SPATA6: variants seen among roughly 807,000 people sequenced by gnomAD.
SPATA6 encodes spermatogenesis associated 6.
SPATA6 carries 56 observed loss-of-function variants against 65.3 expected under a neutral mutation model. The ratio of observed to expected loss-of-function variants is 0.86; its 90% confidence interval spans 0.69 to 1.07. The LOEUF (loss-of-function observed/expected upper bound fraction) is 1.07. SPATA6 is among the 50% of genes least tolerant of loss of function. The probability of loss-of-function intolerance (pLI) is 0.00; values close to 1 mark genes in which losing one functional copy is unlikely to be tolerated. For synonymous variants in SPATA6, 199 were observed against 213.2 expected (o/e 0.93, Z 0.58); for missense variants, 590 against 594.8 (o/e 0.99, Z 0.08).
At chr1:48,368,126 C>T (rs957051711) in intron 9 of SPATA6, among the ~76,000 whole-genome samples, 18 of 152,176 alleles carry the variant, frequency 1.2e-4, no homozygotes, top group Admixed American at 6.5e-4. Context: ...TATTGGCCCC[C>T]ACTCTCTCCT....
In SPATA6 at chr1:48,312,591, T is replaced by A. The variant is rs142244096; in HGVS notation, c.1195-6713A>T. 2.6e-5 allele frequency among the ~76,000 whole-genome samples: 4 copies of A among 151,884 alleles called. No individual in the cohort carries two copies. The East Asian group carries it at 7.7e-4, about 29-fold the overall frequency. On this transcript the variant is annotated intron_variant, in intron 11 of 12. Coordinates refer to ENST00000371847, the MANE Select transcript of SPATA6 (RefSeq NM_019073.4). Reference sequence around the variant, plus strand: ...TCAAAGGCAGATACAACCACAAAGATGGGGAAAAAACAGAGCAGAAAAACT... The same window carrying A: ...TCAAAGGCAGATACAACCACAAAGAAGGGGAAAAAACAGAGCAGAAAAACT...
chr1:48,358,456 A>T (rs1646716823), intron 10 of SPATA6, among the ~76,000 whole-genome samples: 1 of 152,062 alleles, frequency 6.6e-6, no homozygotes, highest in Non-Finnish European at 1.5e-5. Context: ...ATACAGATTT[A>T]AAAAATTCTG....
At chr1:48,448,684 C>T (rs1420776240) in intron 3 of SPATA6, among the ~76,000 whole-genome samples, 5 of 152,034 alleles carry the variant, frequency 3.3e-5, no homozygotes, top group Non-Finnish European at 7.4e-5. Flanking sequence ...ACATTCCATA[C>T]AACAGAATAC....
intron 3 of SPATA6, among the ~76,000 whole-genome samples, chr1:48,425,830 C>A (rs1479267488): frequency 6.6e-6 from 1 of 150,822 alleles, no homozygotes. Flanking sequence ...GACTATAAAT[C>A]AAAATGTAAA....
chr1:48,407,813 T>A (rs1487883266), intron 5 of SPATA6, among the ~76,000 whole-genome samples: 3 of 152,206 alleles, frequency 2.0e-5, no homozygotes, highest in African/African-American at 7.2e-5. Flanking sequence ...GTTTTAATAA[T>A]CCATCATCTT....
chr1:48,354,299 G>GTT (rs1205017132), intron 11 of SPATA6, among the ~76,000 whole-genome samples: 1 of 152,120 alleles, frequency 6.6e-6, no homozygotes, highest in Non-Finnish European at 1.5e-5. Flanking sequence ...TAGTGGGAGT[G>GTT]TAACTGTTAA....
At chr1:48,370,921 A>T (rs1570348224) in intron 9 of SPATA6, among the ~76,000 whole-genome samples, 1 of 152,332 alleles carries the variant, frequency 6.6e-6, no homozygotes, top group East Asian at 1.9e-4. Context: ...ACAGCTAAGG[A>T]ACAAACTGAC....
At chr1:48,460,926 G>GACTA (rs1274065459) in intron 1 of SPATA6, among the ~76,000 whole-genome samples, 2 of 151,420 alleles carry the variant, frequency 1.3e-5, no homozygotes, top group Non-Finnish European at 2.9e-5. Context: ...AAGCATTTAG[G>GACTA]AGCCTCTCTG....
At chr1:48,395,839 A>G (rs1182799674) in intron 7 of SPATA6, among the ~76,000 whole-genome samples, 3 of 151,892 alleles carry the variant, frequency 2.0e-5, no homozygotes, top group Admixed American at 6.6e-5. Flanking sequence ...CAAAAAGTAA[A>G]AAGAATGATA....
intron 3 of SPATA6, chr1:48,437,083 A>G (rs1226600466): frequency 6.3e-7 from 1 of 1,598,088 alleles, no homozygotes; most frequent in African/African-American, 1.3e-5. Flanking sequence ...CAAACAGATG[A>G]AAGAAGAAAG....
chr1:48,469,124 T>C (rs182189636), intron 1 of SPATA6, among the ~76,000 whole-genome samples: 2 of 152,290 alleles, frequency 1.3e-5, no homozygotes, highest in African/African-American at 2.4e-5. Context: ...CCTGTCATCA[T>C]ACCCAGCTAA....
At chr1:48,471,937 G>A in intron 1 of SPATA6, 21 bp downstream of exon 1, 1 of 1,610,004 alleles carries the variant, frequency 6.2e-7, no homozygotes, top group Non-Finnish European at 8.5e-7. Flanking sequence ...CCCGGGGGTG[G>A]GAGGCGCTAC....
chr1:48,466,156 T>C (rs1657792227), intron 1 of SPATA6, among the ~76,000 whole-genome samples: 2 of 152,106 alleles, frequency 1.3e-5, no homozygotes, highest in Non-Finnish European at 2.9e-5. Context: ...AATATATTCA[T>C]TGAAACATTG....
At chr1:48,404,397 T>C (rs1033949561) in intron 5 of SPATA6, among the ~76,000 whole-genome samples, 15 of 152,136 alleles carry the variant, frequency 9.9e-5, no homozygotes, top group African/African-American at 3.6e-4. Context: ...CTCTGGAGTA[T>C]AGTGGTGCCA....
At chr1:48,263,847 G>C in the SPATA6 span, among the ~76,000 whole-genome samples, 3 of 152,126 alleles carry the variant, frequency 2.0e-5, no homozygotes, top group African/African-American at 7.2e-5. Context: ...GTTGTTTTGA[G>C]ACAGGGTCTC....
chr1:48,444,548 CGGACCAATCAGCACTCTGTAAAAT>C (rs1655830809), intron 3 of SPATA6, among the ~76,000 whole-genome samples: 3 of 150,866 alleles, frequency 2.0e-5, no homozygotes, highest in South Asian at 2.1e-4. Context: ...CTCTGTAAAA[CGGACCAATCAGCACTCTGTAAAAT>C]GGACCAATCA....
intron 10 of SPATA6, 112 bp downstream of exon 10, chr1:48,359,474 A>G (rs960389836): frequency 1.0e-5 from 13 of 1,251,694 alleles, no homozygotes; most frequent in Non-Finnish European, 1.3e-5. Flanking sequence ...TAAGCCTTTT[A>G]AAATCAAATT....
At chr1:48,408,743 T>C (rs1215478685) in intron 5 of SPATA6, among the ~76,000 whole-genome samples, 1 of 152,210 alleles carries the variant, frequency 6.6e-6, no homozygotes, top group Non-Finnish European at 1.5e-5. Context: ...ACATCTTACA[T>C]GGATGGTGGC....
chr1:48,280,372 C>T, the SPATA6 span, among the ~76,000 whole-genome samples: 2 of 151,912 alleles, frequency 1.3e-5, no homozygotes, highest in Non-Finnish European at 2.9e-5. Flanking sequence ...AAAAACCCTT[C>T]AAAAAATTAG....
Sources: allele counts gnomAD v4.1 joint callset (sites outside exome capture counted in the v4.1 genomes callset), GRCh38; gene constraint gnomAD v4.1.1; transcripts MANE v1.5; gene names NCBI Gene and HGNC (gene_info 2026-07-23, HGNC 2026-07-21).